Variants in ITGA1 observed in about 807,000 individuals in gnomAD.
ITGA1 encodes integrin alpha-1.
Under a neutral mutation model 145.9 loss-of-function variants are expected in ITGA1, and 85 were observed. That is an observed-to-expected ratio of 0.58 (90% confidence interval 0.49 to 0.70). The LOEUF (loss-of-function observed/expected upper bound fraction) is 0.70. Ranked by LOEUF, ITGA1 falls within the 30% of genes least tolerant of loss-of-function variation. ITGA1 has a pLI of 0.00. For missense variants in ITGA1, 1,351 were observed against 1,418.7 expected (o/e 0.95, Z 0.77); for synonymous variants, 520 against 495.3 (o/e 1.05, Z -0.66).
At position 52,788,331 on chromosome 5, in the gene ITGA1, C is replaced by T. The variant is rs1209892472; in HGVS notation, c.-23C>T. The T allele has an allele frequency of 6.7e-7, 1 of 1,494,890 alleles. No homozygotes were observed. Among genetic ancestry groups the T allele is most frequent in the South Asian group, 1.2e-5 (1 of 80,054 alleles). 92.6% of individuals were successfully genotyped at this position (1,494,890 alleles called of 1,614,324 possible). On this transcript the variant is annotated 5_prime_UTR_variant, in exon 1 of 29. Coordinates refer to ENST00000282588, the MANE Select transcript of ITGA1 (RefSeq NM_181501.2). ...CTGCCCTGCGAACCAGCGCGGCCCCCTGGCGCTGAGGCTGCTCCGGCCATG... is the reference window on the plus strand; with the variant it reads ...CTGCCCTGCGAACCAGCGCGGCCCCTTGGCGCTGAGGCTGCTCCGGCCATG...
chr5:52,952,348 A>T, intron 28 of ITGA1, 59 bp from the exon 29 acceptor site: 1 of 873,394 alleles, frequency 1.1e-6, no homozygotes, highest in Non-Finnish European at 1.7e-6. Context: ...CCAAAGGATT[A>T]ATATTTGCTA....
chr5:52,872,133 T>C (rs944258430), intron 6 of ITGA1, among the ~76,000 whole-genome samples: 3 of 152,060 alleles, frequency 2.0e-5, no homozygotes, highest in African/African-American at 7.2e-5. Flanking sequence ...CCAAGCAAAA[T>C]GAAACAGAGA....
At chr5:52,831,325 G>A (rs1749067059) in intron 1 of ITGA1, among the ~76,000 whole-genome samples, 1 of 151,938 alleles carries the variant, frequency 6.6e-6, no homozygotes, top group Non-Finnish European at 1.5e-5. Context: ...GTAGAGATGG[G>A]GTTTCACCAT....
intron 1 of ITGA1, among the ~76,000 whole-genome samples, chr5:52,807,419 AAATG>A (rs1353437229): frequency 6.6e-6 from 1 of 151,986 alleles, no homozygotes; most frequent in Non-Finnish European, 1.5e-5. Context: ...GATGCAAAAA[AAATG>A]AAATTAAAGA....
intron 1 of ITGA1, among the ~76,000 whole-genome samples, chr5:52,837,193 C>A (rs955465646): frequency 2.6e-5 from 4 of 152,088 alleles, no homozygotes; most frequent in African/African-American, 7.2e-5. Flanking sequence ...ACTACTGAAC[C>A]GTAGAGGAGG....
rs143219872 is a variant in ITGA1, at chr5:52,884,079, A to G, written c.773+2058A>G. On this transcript the variant is annotated intron_variant, in intron 7 of 28. Coordinates refer to ENST00000282588, the MANE Select transcript of ITGA1 (RefSeq NM_181501.2). ...CAAAAGTGATTGAATCTCATATGAT[A>G]TTCGCATACAAAGATCTGTTAAAGA... Among the ~76,000 whole-genome samples the G allele has an allele frequency of 5.1e-3, 778 of 152,318 alleles. 44 individuals carry two copies. Among genetic ancestry groups the G allele is most frequent in the Admixed American group, 0.047 (724 of 15,302 alleles).
At chr5:52,839,095 T>C (rs971125393) in intron 1 of ITGA1, among the ~76,000 whole-genome samples, 2 of 152,028 alleles carry the variant, frequency 1.3e-5, no homozygotes, top group African/African-American at 4.8e-5. Context: ...AGACCCTGCC[T>C]CAAAACAAAA....
chr5:52,907,411 T>C (rs1750427746), intron 12 of ITGA1, among the ~76,000 whole-genome samples: 1 of 152,138 alleles, frequency 6.6e-6, no homozygotes, highest in African/African-American at 2.4e-5. Context: ...ATGACGTCTT[T>C]GATCCATTAT....
intron 1 of ITGA1, among the ~76,000 whole-genome samples, chr5:52,809,859 C>G (rs1349860783): frequency 6.6e-6 from 1 of 152,044 alleles, no homozygotes; most frequent in Admixed American, 6.6e-5. Flanking sequence ...AATCCCTGAT[C>G]TCTCTAAATG....
At position 52,787,955 on chromosome 5, in the gene ITGA1, A is replaced by C. The variant is rs1346199983; in HGVS notation, c.-399A>C. On this transcript the variant is annotated 5_prime_UTR_variant, in exon 1 of 29. Transcript: ENST00000282588. ...CACCTTAGGGGATTTGGCCCGGAGA[A>C]CGAGATCACCCTCTCAATGAAAGGC... The C allele has an allele frequency of 5.8e-6, 1 of 172,352 alleles. No individual in the cohort carries two copies. The highest frequency in any genetic ancestry group is 1.2e-5 in the Non-Finnish European group (1 of 81,744). 10.7% of individuals were successfully genotyped at this position (172,352 alleles called of 1,614,324 possible).
At chr5:52,867,906 A>C (rs2111781428) in intron 6 of ITGA1, among the ~76,000 whole-genome samples, 1 of 152,130 alleles carries the variant, frequency 6.6e-6, no homozygotes, top group East Asian at 1.9e-4. Context: ...GTACCATCTA[A>C]TGCCCCTGAA....
At chr5:52,910,120 A>G in intron 13 of ITGA1, 42 bp from the exon 14 acceptor site, 1 of 1,566,528 alleles carries the variant, frequency 6.4e-7, no homozygotes, top group Non-Finnish European at 8.7e-7. Context: ...CTGCTGTAGT[A>G]ATGATGGAAA....
chr5:52,888,525 G>GT (rs34006991), intron 8 of ITGA1, among the ~76,000 whole-genome samples: 28,333 of 152,180 alleles, frequency 0.19, 2,645 homozygotes, highest in Admixed American at 0.24. Context: ...AACTTCTGAC[G>GT]TTTGACACTT....
At chr5:52,930,915 G>A (rs1040667375) in intron 21 of ITGA1, among the ~76,000 whole-genome samples, 2 of 152,098 alleles carry the variant, frequency 1.3e-5, no homozygotes, top group African/African-American at 4.8e-5. Context: ...AAAGTCATCT[G>A]TACAGAGCTG....
At chr5:52,831,498 T>TA (rs1018514801) in intron 1 of ITGA1, among the ~76,000 whole-genome samples, 1 of 150,722 alleles carries the variant, frequency 6.6e-6, no homozygotes, top group African/African-American at 2.4e-5. Context: ...GACTTTTAGA[T>TA]AGCATAGACC....
intron 26 of ITGA1, among the ~76,000 whole-genome samples, chr5:52,943,009 A>G (rs1406237835): frequency 3.3e-5 from 5 of 152,182 alleles, no homozygotes; most frequent in Non-Finnish European, 7.4e-5. Context: ...GGATCATATT[A>G]CCAGTGGAAA....
intron 8 of ITGA1, chr5:52,890,018 G>A (rs1579700587): frequency 6.6e-6 from 1 of 151,656 alleles, no homozygotes; most frequent in East Asian, 1.9e-4. Flanking sequence ...GTAATCATTT[G>A]TTGAAACAAA....
intron 14 of ITGA1, among the ~76,000 whole-genome samples, chr5:52,911,381 G>T (rs1265356526): frequency 7.6e-6 from 1 of 131,914 alleles, no homozygotes. Flanking sequence ...TGAGTATATA[G>T]TATATATAGT....
At chr5:52,890,925 T>C (rs6871286) in intron 8 of ITGA1, among the ~76,000 whole-genome samples, 86,590 of 152,026 alleles carry the variant, frequency 0.57, 25,400 homozygotes, top group African/African-American at 0.7. Flanking sequence ...CTATTCAGTA[T>C]GTCTATGAGA....
Sources: gnomAD v4.1 joint callset for allele counts (sites outside exome capture counted in the v4.1 genomes callset) on GRCh38, gnomAD v4.1.1 for gene constraint, MANE v1.5 for transcripts, NCBI Gene and HGNC (gene_info 2026-07-23, HGNC 2026-07-21) for gene names.